The following MRPS25 variants were observed in gnomAD, a reference collection of about 807,000 sequenced individuals.
The protein encoded by MRPS25 is small ribosomal subunit protein mS25.
Under a neutral mutation model 17.3 loss-of-function variants are expected in MRPS25, and 15 were observed. That is an observed-to-expected ratio of 0.87 (90% CI 0.58 to 1.34). The LOEUF (loss-of-function observed/expected upper bound fraction) is 1.34, where lower values mean the gene tolerates loss of function less well. Among genes scored for constraint, MRPS25 ranks in the 40% most tolerant of loss-of-function variants. The pLI, the probability that MRPS25 is intolerant of heterozygous loss-of-function variation, is 0.00. For synonymous variants in MRPS25, 94 were observed against 83.3 expected, an observed-to-expected ratio of 1.13 and a Z score of -0.70; for missense variants, 225 against 218.6, an observed-to-expected ratio of 1.03 and a Z score of -0.19.
rs1032100805 is a variant in MRPS25, at chr3:15,051,743, T to C, written c.*698A>G. The C allele has an allele frequency of 4.1e-6, 4 of 985,340 alleles. No homozygotes were observed. Among genetic ancestry groups the C allele is most frequent in the African/African-American group, 1.7e-5 (1 of 57,184 alleles). 61.0% of individuals were successfully genotyped at this position (985,340 alleles called of 1,614,324 possible). A position where few individuals can be genotyped will look rare whatever the true frequency, so the allele number is the denominator to read the frequency against. On this transcript the variant is annotated 3_prime_UTR_variant, in exon 4 of 4. Transcript: ENST00000253686. The stretch of plus-strand genomic sequence containing the variant: ...AGGTGGTGTCTCCTCATTTCCTCCA[T>C]GGCCTACAAACCTCCCTGCTAATGC...
chr3:15,064,968 C>T, intron 1 of MRPS25, 93 bp downstream of exon 1: 3 of 1,480,016 alleles, frequency 2.0e-6, no homozygotes, highest in Non-Finnish European at 1.8e-6. Context: ...CGGGGATGAA[C>T]GGCCGCCCAG....
At chr3:15,043,494 G>C (rs2042344811), downstream of MRPS25, 1 of 152,640 alleles carries the variant, frequency 6.6e-6, no homozygotes, top group African/African-American at 2.4e-5. Flanking sequence ...ATGGAAAACT[G>C]TGTATGTCTT....
chr3:15,052,829 T>C (rs540461483), intron 3 of MRPS25, among the ~76,000 whole-genome samples, 196 bp from the exon 4 acceptor site: 16 of 152,300 alleles, frequency 1.1e-4, no homozygotes, highest in Middle Eastern at 3.4e-3. Context: ...AGGCCTGCTG[T>C]TGTCCCCTCA....
chr3:15,048,459 T>C (rs1284358821), downstream of MRPS25: 1 of 152,638 alleles, frequency 6.6e-6, no homozygotes, highest in East Asian at 1.9e-4. Context: ...GTCAGATATT[T>C]TTAATGCCCA....
At position 15,051,395 on chromosome 3, in the gene MRPS25, G is replaced by T; in HGVS notation, c.*1046C>A. ...GACAAGGTCTTGCCATGTTGCCCAG[G>T]CTGGTCTCGAACTCCTGGGCTCAAC... On this transcript the variant is annotated 3_prime_UTR_variant, in exon 4 of 4. Transcript: ENST00000253686. 1.0e-5 allele frequency: 7 copies of T among 676,360 alleles called. No homozygotes were observed. Among genetic ancestry groups the T allele is most frequent in the Non-Finnish European group, 1.3e-5 (7 of 547,720 alleles). The allele number at this position is 676,360 out of a possible 1,614,324, so 41.9% of individuals were successfully genotyped here.
In MRPS25 at chr3:15,052,241, C is replaced by T; in HGVS notation, c.*200G>A. ...GGAAGCGTTTTATTGACCAGCAGAG[C>T]AGGGATATTCATTTAGCAGCTCAGC... On this transcript the variant is annotated 3_prime_UTR_variant, in exon 4 of 4. Coordinates refer to ENST00000253686, the MANE Select transcript of MRPS25 (RefSeq NM_022497.5). 7.4e-7 allele frequency: 1 copy of T among 1,344,572 alleles called. No homozygotes were observed. Among genetic ancestry groups the T allele is most frequent in the Non-Finnish European group, 9.5e-7 (1 of 1,050,248 alleles). The allele number at this position is 1,344,572 out of a possible 1,614,324, so 83.3% of individuals were successfully genotyped here. A position where few individuals can be genotyped will look rare whatever the true frequency, so the allele number is the denominator to read the frequency against.
chr3:15,050,342 T>C lies in MRPS25; in HGVS notation c.*2099A>G. ...ACTCAAACCCTAGTTATCTGTCCCA[T>C]TAGGGACCAGACATTTATTCTGTCT... On this transcript the variant is annotated 3_prime_UTR_variant, in exon 4 of 4. Transcript: ENST00000253686. The C allele has an allele frequency of 9.4e-7, 1 of 1,065,488 alleles. No individual in the cohort carries two copies. The highest frequency in any genetic ancestry group is 1.1e-6 in the Non-Finnish European group (1 of 882,300). 66.0% of individuals were successfully genotyped at this position (1,065,488 alleles called of 1,614,324 possible).
Position 15,049,974 on chromosome 3 carries a change from G to A in MRPS25, c.*2467C>T, listed in dbSNP as rs770471808. ...AAAGTGGTCACTTCAGAATAAGGCT[G>A]TGAACACTGCTTGTGCAAGTAAAAT... On this transcript the variant is annotated 3_prime_UTR_variant, in exon 4 of 4. Transcript: ENST00000253686. 4 of 1,500,330 alleles carry A rather than the reference G, an allele frequency of 2.7e-6. No homozygotes were observed. The South Asian group carries it at 3.9e-5, about 15-fold the overall frequency. The allele number at this position is 1,500,330 out of a possible 1,614,324, so 92.9% of individuals were successfully genotyped here.
downstream of MRPS25, chr3:15,046,071 T>A: frequency 6.6e-6 from 1 of 152,250 alleles, no homozygotes; most frequent in African/African-American, 2.4e-5. Flanking sequence ...ACTTTTCAAG[T>A]TACTCCTGGA....
chr3:15,048,113 A>ATAAG (rs1401969503), downstream of MRPS25: 1 of 152,666 alleles, frequency 6.6e-6, no homozygotes, highest in Non-Finnish European at 1.5e-5. Context: ...TCTTTTTAAA[A>ATAAG]TAAGTTATCA....
intron 1 of MRPS25, among the ~76,000 whole-genome samples, chr3:15,061,159 G>A (rs1356730128): frequency 6.6e-6 from 1 of 152,146 alleles, no homozygotes; most frequent in East Asian, 1.9e-4. Flanking sequence ...GGTTCTTGCT[G>A]AAACACAAGA....
chr3:15,052,403 T>C lies in MRPS25; in HGVS notation c.*38A>G. On this transcript the variant is annotated 3_prime_UTR_variant, in exon 4 of 4. Transcript: ENST00000253686. The stretch of plus-strand genomic sequence containing the variant: ...AATCCCATTCCAATCTCCCCACTGG[T>C]CAGACACCATCACCCCAGCCCACAG... The C allele has an allele frequency of 1.9e-6, 3 of 1,592,436 alleles. No homozygotes were observed. The highest frequency in any genetic ancestry group is 2.6e-6 in the Non-Finnish European group (3 of 1,164,898).
chr3:15,061,220 C>A (rs1474602498), intron 1 of MRPS25, among the ~76,000 whole-genome samples: 1 of 152,068 alleles, frequency 6.6e-6, no homozygotes, highest in Non-Finnish European at 1.5e-5. Flanking sequence ...CTCCCTCTCC[C>A]CACGGTCTCC....
At chr3:15,053,039 G>A (rs938358113) in intron 3 of MRPS25, among the ~76,000 whole-genome samples, 1 of 152,116 alleles carries the variant, frequency 6.6e-6, no homozygotes, top group Non-Finnish European at 1.5e-5. Flanking sequence ...GGAGCCCTAG[G>A]GCTAGATGTC....
chr3:15,052,240 G>C lies in MRPS25; in HGVS notation c.*201C>G. ...AGGAAGCGTTTTATTGACCAGCAGA[G>C]CAGGGATATTCATTTAGCAGCTCAG... is the stretch of plus-strand genomic sequence containing the variant. On this transcript the variant is annotated 3_prime_UTR_variant, in exon 4 of 4. Transcript: ENST00000253686. 5.2e-6 allele frequency: 7 copies of C among 1,344,000 alleles called. No individual in the cohort carries two copies. Among genetic ancestry groups the C allele is most frequent in the Non-Finnish European group, 6.7e-6 (7 of 1,050,016 alleles). 83.3% of individuals were successfully genotyped at this position (1,344,000 alleles called of 1,614,324 possible). A position where few individuals can be genotyped will look rare whatever the true frequency, so the allele number is the denominator to read the frequency against.
downstream of MRPS25, chr3:15,046,769 CA>C (rs2042467251): frequency 6.5e-6 from 1 of 152,680 alleles, no homozygotes; most frequent in South Asian, 2.1e-4. Flanking sequence ...AGGCGGTGCC[CA>C]CTGGGCCCTG....
At chr3:15,042,886 A>G (rs754779100), downstream of MRPS25, 10 of 1,614,058 alleles carry the variant, frequency 6.2e-6, no homozygotes, top group East Asian at 4.5e-5. Context: ...GAGCTCCAAC[A>G]TAACAGAAGA....
chr3:15,058,212 C>T (rs751810618), intron 2 of MRPS25, among the ~76,000 whole-genome samples: 3 of 151,582 alleles, frequency 2.0e-5, no homozygotes, highest in East Asian at 3.9e-4. Flanking sequence ...TTTTTTGAGA[C>T]GGAGTCTTGC....
At chr3:15,054,378 A>G (rs948859013) in intron 2 of MRPS25, among the ~76,000 whole-genome samples, 5 of 152,174 alleles carry the variant, frequency 3.3e-5, no homozygotes, top group Non-Finnish European at 5.9e-5. Flanking sequence ...TCTATATGCT[A>G]AATAGGTGAA....
Sources: allele counts gnomAD v4.1 joint callset (sites outside exome capture counted in the v4.1 genomes callset), GRCh38; gene constraint gnomAD v4.1.1; transcripts MANE v1.5; gene names NCBI Gene and HGNC (gene_info 2026-07-23, HGNC 2026-07-21).